Variants in LDB2 observed in about 807,000 individuals in gnomAD.
LDB2 encodes the protein LIM domain-binding protein 2.
LDB2 carries 12 observed loss-of-function variants against 44.3 expected under a neutral mutation model. The observed-to-expected ratio is 0.27, with a 90% confidence interval of 0.17 to 0.44. The LOEUF is 0.44. LDB2 is among the 20% of genes least tolerant of loss of function. LDB2 has a pLI of 1.00. For synonymous variants in LDB2, 164 were observed against 174.8 expected, an observed-to-expected ratio of 0.94 and a Z score of 0.49; for missense variants, 344 against 473.5, an observed-to-expected ratio of 0.73 and a Z score of 2.54.
At chr4:16,613,782 TGGAAAAACCTTCCATCCTCATGGATA>T (rs1249192427) in intron 2 of LDB2, among the ~76,000 whole-genome samples, 1 of 152,002 alleles carries the variant, frequency 6.6e-6, no homozygotes, top group Non-Finnish European at 1.5e-5. Context: ...CACAAACAAA[TGGAAAAACCTTCCATCCTCATGGATA>T]GGAAGAATCG....
intron 1 of LDB2, among the ~76,000 whole-genome samples, chr4:16,816,407 C>CTTTTTT (rs1171864969): frequency 3.5e-4 from 42 of 120,992 alleles, no homozygotes; most frequent in African/African-American, 6.1e-4. Context: ...CTTTTTCTTT[C>CTTTTTT]TTTTTTTTTT....
At chr4:16,643,045 C>T (rs1429342504) in intron 2 of LDB2, among the ~76,000 whole-genome samples, 2 of 152,180 alleles carry the variant, frequency 1.3e-5, no homozygotes, top group African/African-American at 4.8e-5. Context: ...CTAAAGAACA[C>T]CTTTCATATC....
At chr4:16,807,311 A>G (rs1778967298) in intron 1 of LDB2, among the ~76,000 whole-genome samples, 2 of 152,238 alleles carry the variant, frequency 1.3e-5, no homozygotes, top group African/African-American at 4.8e-5. Context: ...CAAGAGCCAT[A>G]TGGCCTTAAT....
chr4:16,603,310 G>A (rs184403417), intron 2 of LDB2, among the ~76,000 whole-genome samples: 1 of 152,174 alleles, frequency 6.6e-6, no homozygotes, highest in African/African-American at 2.4e-5. Context: ...AGATAGTACA[G>A]AGTCCATGTG....
intron 2 of LDB2, among the ~76,000 whole-genome samples, chr4:16,672,034 C>T (rs1373430702): frequency 6.6e-6 from 1 of 152,158 alleles, no homozygotes; most frequent in Non-Finnish European, 1.5e-5. Flanking sequence ...ATTTAGACTC[C>T]AGTGACAGAA....
chr4:16,632,113 G>A (rs1475308203), intron 2 of LDB2, among the ~76,000 whole-genome samples: 3 of 152,130 alleles, frequency 2.0e-5, no homozygotes, highest in Admixed American at 6.5e-5. Context: ...TGATACCAAA[G>A]CCTGTCAGAG....
intron 2 of LDB2, among the ~76,000 whole-genome samples, chr4:16,724,439 T>C (rs936565807): frequency 6.6e-6 from 1 of 151,604 alleles, no homozygotes; most frequent in Non-Finnish European, 1.5e-5. Flanking sequence ...ATCAAAGTCA[T>C]GAATCCTGTC....
At position 16,592,831 on chromosome 4, in the gene LDB2, T is replaced by C. The variant is rs564661834; in HGVS notation, c.408+2872A>G. 2.0e-4 allele frequency among the ~76,000 whole-genome samples: 31 copies of C among 152,210 alleles called. No individual in the cohort carries two copies. The East Asian group carries it at 3.7e-3, about 18-fold the overall frequency. On this transcript the variant is annotated intron_variant, in intron 3 of 7. Coordinates refer to ENST00000304523, the MANE Select transcript of LDB2 (RefSeq NM_001290.5). Reference sequence around the variant, plus strand: ...TAAAATCTAAAATTAACCCCAAGAATGTACCCTAGAAAGTGTTCCTCCCAG... The same window carrying C: ...TAAAATCTAAAATTAACCCCAAGAACGTACCCTAGAAAGTGTTCCTCCCAG...
chr4:16,745,989 TC>T (rs1764304424), intron 2 of LDB2, among the ~76,000 whole-genome samples: 1 of 152,090 alleles, frequency 6.6e-6, no homozygotes, highest in Non-Finnish European at 1.5e-5. Flanking sequence ...TTTGAAGGCC[TC>T]GCTTTTGTCG....
intron 1 of LDB2, among the ~76,000 whole-genome samples, chr4:16,778,378 G>T (rs1403670358): frequency 6.6e-6 from 1 of 152,088 alleles, no homozygotes; most frequent in Non-Finnish European, 1.5e-5. Context: ...AAAACTTTCT[G>T]CATAATTCCC....
intron 1 of LDB2, among the ~76,000 whole-genome samples, chr4:16,766,510 A>AT (rs33921094): frequency 0.012 from 1,571 of 127,026 alleles, 62 homozygotes; most frequent in African/African-American, 0.048. Context: ...GTGTGTATAT[A>AT]TTTTTTTTTT....
At chr4:16,595,063 A>G (rs1052719022) in intron 3 of LDB2, among the ~76,000 whole-genome samples, 1 of 152,140 alleles carries the variant, frequency 6.6e-6, no homozygotes, top group African/African-American at 2.4e-5. Context: ...TGTATAGAAG[A>G]TGAGGTTAAA....
In LDB2 at chr4:16,559,924, G is replaced by A. The variant is rs556062724; in HGVS notation, c.615+25998C>T. 1.7e-3 allele frequency among the ~76,000 whole-genome samples: 256 copies of A among 152,158 alleles called. 1 individual carries two copies. The highest frequency in any genetic ancestry group is 5.5e-3 in the African/African-American group (229 of 41,492). The stretch of plus-strand genomic sequence containing the variant: ...AGGATTAAGAAACTCACTCAAAACC[G>A]CTCAACTACATGGAAACTGAACAAC... On this transcript the variant is annotated intron_variant, in intron 5 of 7. Transcript: ENST00000304523.
intron 2 of LDB2, among the ~76,000 whole-genome samples, chr4:16,632,938 C>T (rs561528210): frequency 2.6e-4 from 40 of 152,258 alleles, no homozygotes; most frequent in African/African-American, 7.0e-4. Context: ...CATTACTGGG[C>T]ATATACCCAA....
intron 1 of LDB2, among the ~76,000 whole-genome samples, chr4:16,879,865 G>T (rs1184925887): frequency 1.3e-5 from 2 of 152,118 alleles, no homozygotes; most frequent in Non-Finnish European, 2.9e-5. Context: ...TCTCCATGAA[G>T]CCTCATTCAC....
At chr4:16,543,620 G>T (rs1734671263) in intron 5 of LDB2, among the ~76,000 whole-genome samples, 1 of 152,026 alleles carries the variant, frequency 6.6e-6, no homozygotes, top group Non-Finnish European at 1.5e-5. Context: ...AATTCAAGAT[G>T]GATTAAAGAC....
At chr4:16,609,285 C>G (rs1413657949) in intron 2 of LDB2, among the ~76,000 whole-genome samples, 1 of 147,942 alleles carries the variant, frequency 6.8e-6, no homozygotes, top group African/African-American at 2.6e-5. Flanking sequence ...ACCCCGGAAC[C>G]AGCAGATTCT....
intron 2 of LDB2, among the ~76,000 whole-genome samples, chr4:16,720,027 T>C (rs1339905429): frequency 6.6e-6 from 1 of 152,142 alleles, no homozygotes; most frequent in Non-Finnish European, 1.5e-5. Flanking sequence ...AAACTTCAAC[T>C]ATTATAATCT....
rs376308126 is a variant in LDB2 at position 16,730,363 on chromosome 4, C to T, written c.235+28795G>A. 2.0e-4 allele frequency among the ~76,000 whole-genome samples: 30 copies of T among 152,272 alleles called. No homozygotes were observed. The East Asian group carries it at 3.5e-3, about 18-fold the overall frequency. ...TGTCTGGTCTTTGATTAATGCCTGT[C>T]TCACCTGTACACTCTAAATTCCACA... On this transcript the variant is annotated intron_variant, in intron 2 of 7. Coordinates refer to ENST00000304523, the MANE Select transcript of LDB2 (RefSeq NM_001290.5).
Sources: allele counts gnomAD v4.1 joint callset (sites outside exome capture counted in the v4.1 genomes callset), GRCh38; gene constraint gnomAD v4.1.1; transcripts MANE v1.5; gene names NCBI Gene and HGNC (gene_info 2026-07-23, HGNC 2026-07-21).